RIC1: variants seen among roughly 807,000 people sequenced by gnomAD.
RIC1 encodes the protein RIC1 partner of RAB6A GEF complex, also known as guanine nucleotide exchange factor subunit RIC1.
RIC1 carries 88 observed loss-of-function variants against 169.0 expected under a neutral mutation model. The ratio of observed to expected loss-of-function variants is 0.52; its 90% confidence interval spans 0.44 to 0.62. The LOEUF is 0.62. Among genes scored for constraint, RIC1 ranks in the 20% least tolerant of loss-of-function variants. The pLI, the probability that RIC1 is intolerant of heterozygous loss-of-function variation, is 0.00. For missense variants in RIC1, 1,877 were observed against 1,725.5 expected, an observed-to-expected ratio of 1.09 and a Z score of -1.56; for synonymous variants, 790 against 601.5, an observed-to-expected ratio of 1.31 and a Z score of -4.59.
chr9:5,724,339 C>G (rs1263095033), intron 6 of RIC1, among the ~76,000 whole-genome samples: 2 of 152,174 alleles, frequency 1.3e-5, no homozygotes, highest in African/African-American at 2.4e-5. Flanking sequence ...TGGGAGTTCA[C>G]TCATGATTTG....
At chr9:5,759,867 A>T (rs1043660971) in intron 17 of RIC1, among the ~76,000 whole-genome samples, 2 of 152,182 alleles carry the variant, frequency 1.3e-5, no homozygotes, top group African/African-American at 2.4e-5. Context: ...TCATTATACT[A>T]TTCTCCATAC....
intron 1 of RIC1, among the ~76,000 whole-genome samples, chr9:5,644,067 A>G (rs972603130): frequency 1.5e-5 from 2 of 136,196 alleles, no homozygotes; most frequent in African/African-American, 2.5e-5. Context: ...AGAATTTGCT[A>G]TGGTTTAAAT....
At chr9:5,699,575 G>C (rs955488409) in intron 3 of RIC1, among the ~76,000 whole-genome samples, 19 of 150,450 alleles carry the variant, frequency 1.3e-4, no homozygotes, top group African/African-American at 4.4e-4. Flanking sequence ...AAACTTTCTA[G>C]AGAGACAAAT....
rs545240862 is a variant in RIC1, at chr9:5,681,046, T to G, written c.253-8913T>G. On this transcript the variant is annotated intron_variant, in intron 2 of 25. Coordinates refer to ENST00000414202, the MANE Select transcript of RIC1 (RefSeq NM_020829.4). ...TTTCACCTTGTTAGCCAGGATGGTCTCGATCTCCTGACCTCGTGATCCGCC... is the reference window on the plus strand; with the variant it reads ...TTTCACCTTGTTAGCCAGGATGGTCGCGATCTCCTGACCTCGTGATCCGCC... 2.1e-4 allele frequency among the ~76,000 whole-genome samples: 32 copies of G among 151,682 alleles called. No individual in the cohort carries two copies. In the Middle Eastern group the frequency reaches 0.01, roughly 48 times the overall value.
In RIC1 at chr9:5,763,236, C is replaced by T; in HGVS notation, c.2209C>T (p.Leu737Phe). The T allele has an allele frequency of 1.9e-6, 3 of 1,614,152 alleles. No homozygotes were observed. Among genetic ancestry groups the T allele is most frequent in the Non-Finnish European group, 2.5e-6 (3 of 1,180,020 alleles). ...ACAGAAACGTCACCTTCTGGAGGCCCTCTGGCTGAGCTGTGGTGGTGCAGG... is the reference window on the plus strand; with the variant it reads ...ACAGAAACGTCACCTTCTGGAGGCCTTCTGGCTGAGCTGTGGTGGTGCAGG... ...NKQKRHLLEA[L>F]WLSCGGAGMK... The change falls in exon 19 of 26, where the codon CTC becomes TTC. Residue 737 changes from leucine to phenylalanine, a missense_variant. Transcript: ENST00000414202. The surrounding 1 kb of genome is among the most constrained non-coding windows in gnomAD (Gnocchi z 5.2).
chr9:5,630,249 G>A (rs371727847), intron 1 of RIC1, among the ~76,000 whole-genome samples: 55 of 152,208 alleles, frequency 3.6e-4, no homozygotes, highest in African/African-American at 1.3e-3. Context: ...GAAATAAGTG[G>A]TGGATGGGAT....
At chr9:5,677,227 G>A (rs1216132594) in intron 2 of RIC1, among the ~76,000 whole-genome samples, 1 of 152,152 alleles carries the variant, frequency 6.6e-6, no homozygotes, top group East Asian at 1.9e-4. Flanking sequence ...TCTGGTAGTG[G>A]TGTAGTGATA....
chr9:5,674,976 G>T (rs187639888), intron 2 of RIC1, among the ~76,000 whole-genome samples: 6 of 152,208 alleles, frequency 3.9e-5, no homozygotes, highest in African/African-American at 1.4e-4. Context: ...AAAAGAAATA[G>T]CACTCAAATA....
Position 5,747,348 on chromosome 9 carries a change from T to G in RIC1, c.1295T>G (p.Leu432Trp), listed in dbSNP as rs770019577. 3 of 1,614,104 alleles carry G rather than the reference T, an allele frequency of 1.9e-6. No homozygotes were observed. Among genetic ancestry groups the G allele is most frequent in the Non-Finnish European group, 1.7e-6 (2 of 1,179,964 alleles). Residue 432 changes from leucine to tryptophan, a missense_variant, in exon 12 of 26, where the codon TTG (leucine) becomes TGG (tryptophan). Transcript: ENST00000414202. ...CTTCAGGGTGAGGATCGCTTGTACT[T>G]GAACTGTGGAGAGGCTTCACAAACC... ...VLLQGEDRLYLNCGEASQTQN... is the reference protein window; with the variant it reads ...VLLQGEDRLYWNCGEASQTQN...
chr9:5,670,742 A>G (rs1820039646), intron 2 of RIC1, among the ~76,000 whole-genome samples: 1 of 152,228 alleles, frequency 6.6e-6, no homozygotes, highest in Non-Finnish European at 1.5e-5. Context: ...GAGGAATTGC[A>G]ATAGAGAAAG....
In RIC1 at chr9:5,765,588, T is replaced by G. The variant is rs201243577; in HGVS notation, c.3000+16T>G. The G allele has an allele frequency of 1.5e-4, 244 of 1,613,938 alleles. No homozygotes were observed. The highest frequency in any genetic ancestry group is 1.6e-4 in the Middle Eastern group (1 of 6,080). On this transcript the variant is annotated intron_variant, in intron 20 of 25. Coordinates refer to ENST00000414202, the MANE Select transcript of RIC1 (RefSeq NM_020829.4). ...CACAGCTCAGGTTAGTTGCAAAAGT[T>G]ACACATCTTCTCTAGGCCATACACC...
At chr9:5,736,193 AAC>A (rs1391422837) in intron 7 of RIC1, among the ~76,000 whole-genome samples, 6 of 152,194 alleles carry the variant, frequency 3.9e-5, no homozygotes, top group Non-Finnish European at 7.4e-5. Flanking sequence ...AGCAAAAACA[AAC>A]ACCTGCTACC....
chr9:5,632,297 A>C (rs1817753033), intron 1 of RIC1, among the ~76,000 whole-genome samples: 1 of 152,194 alleles, frequency 6.6e-6, no homozygotes, highest in Non-Finnish European at 1.5e-5. Flanking sequence ...AATTGTGGAA[A>C]TTGTATGTGT....
At chr9:5,629,604 G>T (rs1680210153) in intron 1 of RIC1, among the ~76,000 whole-genome samples, 151 bp downstream of exon 1, 1 of 152,114 alleles carries the variant, frequency 6.6e-6, no homozygotes, top group Non-Finnish European at 1.5e-5. Context: ...CACCGAATTG[G>T]CCGCAGGTAC....
intron 1 of RIC1, among the ~76,000 whole-genome samples, chr9:5,644,250 C>G (rs1818394431): frequency 6.6e-6 from 1 of 152,116 alleles, no homozygotes; most frequent in East Asian, 1.9e-4. Flanking sequence ...CCTTAGAAAA[C>G]CTTGGCCTAC....
chr9:5,632,068 T>G (rs1817741565), intron 1 of RIC1, among the ~76,000 whole-genome samples: 1 of 152,162 alleles, frequency 6.6e-6, no homozygotes, highest in South Asian at 2.1e-4. Flanking sequence ...TCTACAGGAT[T>G]TTACAGAGTT....
At chr9:5,679,916 G>A (rs933191076) in intron 2 of RIC1, among the ~76,000 whole-genome samples, 2 of 152,150 alleles carry the variant, frequency 1.3e-5, no homozygotes, top group African/African-American at 2.4e-5. Flanking sequence ...CCTGTCTTGT[G>A]CCAGTTTTCA....
chr9:5,752,264 C>T (rs936627421), intron 12 of RIC1, among the ~76,000 whole-genome samples: 2 of 151,976 alleles, frequency 1.3e-5, no homozygotes, highest in Non-Finnish European at 2.9e-5. Flanking sequence ...ATTAAAAGTT[C>T]TTGTAGATAA....
intron 6 of RIC1, among the ~76,000 whole-genome samples, chr9:5,728,377 C>G (rs1162631295): frequency 6.6e-6 from 1 of 152,222 alleles, no homozygotes; most frequent in East Asian, 1.9e-4. Context: ...GTGCTGTTTG[C>G]TAAGACCATT....
Sources: gnomAD v4.1 joint callset for allele counts (sites outside exome capture counted in the v4.1 genomes callset) on GRCh38, gnomAD v4.1.1 for gene constraint, Gnocchi (gnomAD v3.1) non-coding constraint, MANE v1.5 for transcripts, NCBI Gene and HGNC (gene_info 2026-07-23, HGNC 2026-07-21) for gene names.